The following ZNHIT3 variants were observed in gnomAD, a reference collection of about 807,000 sequenced individuals.
ZNHIT3 encodes zinc finger HIT domain-containing protein 3.
In ZNHIT3, 27 loss-of-function variants were observed where a neutral mutation model predicts 19.9. The ratio of observed to expected loss-of-function variants is 1.36; its 90% CI spans 1.00 to 1.87. The LOEUF is 1.87. ZNHIT3 is among the 40% of genes most tolerant of loss of function. ZNHIT3 has a pLI of 0.00. For synonymous variants in ZNHIT3, 81 were observed against 65.7 expected (o/e 1.23, Z -1.13); for missense variants, 215 against 185.6 (o/e 1.16, Z -0.92).
In ZNHIT3 at chr17:36,493,990, G is replaced by A; in HGVS notation, c.270G>A (p.Gln90=). The A allele has an allele frequency of 6.2e-7, 1 of 1,611,294 alleles. No individual in the cohort carries two copies. The highest frequency in any genetic ancestry group is 8.5e-7 in the Non-Finnish European group (1 of 1,177,526). The change falls in exon 4 of 5, where the codon CAG becomes CAA. Residue 90 remains glutamine (Q), a synonymous_variant. Coordinates refer to ENST00000617429, the MANE Select transcript of ZNHIT3 (RefSeq NM_004773.4). ...SDEEEDRVSL[Q]NLKNLGESAT... ...AGGAAGAAGACAGAGTTTCTTTGCA[G>A]AATTTAAAGAATTTAGGTAAGTCTG...
chr17:36,496,451 G>A (rs1567722019), downstream of ZNHIT3: 1 of 1,600,050 alleles, frequency 6.2e-7, no homozygotes, highest in Non-Finnish European at 8.6e-7. Context: ...GTTCCTGGGA[G>A]TGCCAGGGCC....
Position 36,492,873 on chromosome 17 carries a change from A to G in ZNHIT3, c.179A>G (p.Lys60Arg). 1 of 1,614,212 alleles carries G rather than the reference A, an allele frequency of 6.2e-7. No homozygotes were observed. The highest frequency in any genetic ancestry group is 8.5e-7 in the Non-Finnish European group (1 of 1,180,044). The part of the protein sequence containing the change: ...EKKIRSALPT[K>R]TVKPVENKDD... Reference sequence around the variant, plus strand: ...AAAATAAGATCAGCTCTTCCTACCAAAACCGTAAAGCCTGTGGAAAACAAA... The same window carrying G: ...AAAATAAGATCAGCTCTTCCTACCAGAACCGTAAAGCCTGTGGAAAACAAA... The change falls in exon 3 of 5, where the codon AAA becomes AGA. Residue 60 changes from lysine (K) to arginine (R), a missense_variant. By Grantham distance (26) the Lys-to-Arg change is conservative. Transcript: ENST00000617429.
chr17:36,492,760 G>T (rs367726685), intron 2 of ZNHIT3, 53 bp from the exon 3 acceptor site: 4 of 1,541,526 alleles, frequency 2.6e-6, no homozygotes, highest in Non-Finnish European at 3.6e-6. Context: ...GGGAGGTGCA[G>T]CCTTGTCGCT....
chr17:36,499,072 T>C (rs1173250493), downstream of ZNHIT3: 2 of 1,604,374 alleles, frequency 1.2e-6, no homozygotes, highest in Non-Finnish European at 8.5e-7. Context: ...GGGTCTTACT[T>C]ACTCTCCACT....
chr17:36,498,926 G>A (rs1296849959), downstream of ZNHIT3: 1 of 646,768 alleles, frequency 1.5e-6, no homozygotes, highest in Admixed American at 2.4e-5. Flanking sequence ...TGTGCCCACT[G>A]CATACATGAG....
intron 2 of ZNHIT3, chr17:36,489,194 C>T (rs570093245): frequency 2.0e-5 from 3 of 152,318 alleles, no homozygotes; most frequent in East Asian, 3.9e-4. Flanking sequence ...CTTTATCCAT[C>T]TGTTGGTGGA....
intron 2 of ZNHIT3, among the ~76,000 whole-genome samples, chr17:36,487,913 G>T (rs1354905615): frequency 3.3e-5 from 5 of 151,958 alleles, no homozygotes; most frequent in Non-Finnish European, 7.4e-5. Flanking sequence ...AGACCAGCCT[G>T]GGCAACATAG....
In ZNHIT3 at chr17:36,486,743, TGGA is replaced by T; in HGVS notation, c.46_48del (p.Glu16del). ...AGCACCGTCGTCTGCGTGATCTGCT[TGGA>T]GAAGCCCAAATACCGCTGTCCAGCC... On this transcript the variant is annotated inframe_deletion, in exon 1 of 5. Coordinates refer to ENST00000617429, the MANE Select transcript of ZNHIT3 (RefSeq NM_004773.4). 1 of 1,613,272 alleles carries T rather than the reference TGGA, an allele frequency of 6.2e-7. No individual in the cohort carries two copies. Among genetic ancestry groups the T allele is most frequent in the Non-Finnish European group, 8.5e-7 (1 of 1,179,676 alleles).
chr17:36,493,848 CT>C, intron 3 of ZNHIT3, 77 bp from the exon 4 acceptor site: 1 of 967,284 alleles, frequency 1.0e-6, no homozygotes, highest in Non-Finnish European at 1.7e-6. Context: ...CATTTTTATC[CT>C]GTTCAAGTAG....
At position 36,486,781 on chromosome 17, in the gene ZNHIT3, C is replaced by T; in HGVS notation, c.82C>T (p.Pro28Ser). 1 of 1,612,948 alleles carries T rather than the reference C, an allele frequency of 6.2e-7. No individual in the cohort carries two copies. The highest frequency in any genetic ancestry group is 8.5e-7 in the Non-Finnish European group (1 of 1,179,572). Residue 28 changes from proline to serine, a missense_variant, in exon 1 of 5, where the codon CCC becomes TCC. Physicochemically the swap from Pro to Ser is moderately conservative, Grantham distance 74. Transcript: ENST00000617429. The part of the protein sequence containing the change: ...PKYRCPACRV[P>S]YCSVVCFRKH... ...ATACCGCTGTCCAGCCTGCCGCGTG[C>T]CCTAGTGAGCGGGGAGGTCGCGGGG...
At chr17:36,496,109 CTG>C, downstream of ZNHIT3, 2 of 1,195,218 alleles carry the variant, frequency 1.7e-6, no homozygotes, top group Non-Finnish European at 2.4e-6. Context: ...GCACGGGGCT[CTG>C]GGTCGAAGGC....
In ZNHIT3 at chr17:36,486,880, T is replaced by TG. The variant is rs1003704440; in HGVS notation, c.87-53dup. ...GGCCGGGCGGGAGCGGGCGGGCTGC[T>TG]GGAGGGGCCGGGGACCCTCGGGGCT... On this transcript the variant is annotated intron_variant, in intron 1 of 4. Transcript: ENST00000617429. 1.6e-4 allele frequency: 248 copies of TG among 1,591,994 alleles called. 1 individual carries two copies. Among genetic ancestry groups the TG allele is most frequent in the Non-Finnish European group, 1.9e-4 (228 of 1,172,214 alleles).
chr17:36,498,497 T>G, downstream of ZNHIT3: 1 of 1,614,042 alleles, frequency 6.2e-7, no homozygotes, highest in South Asian at 1.1e-5. Context: ...AACAGGGAGC[T>G]TGAGAGAAGT....
At chr17:36,488,223 A>T (rs528949953) in intron 2 of ZNHIT3, among the ~76,000 whole-genome samples, 82 of 150,912 alleles carry the variant, frequency 5.4e-4, no homozygotes, top group Non-Finnish European at 9.3e-4. Flanking sequence ...TCCTCATTTG[A>T]GTTTATATAT....
intron 2 of ZNHIT3, among the ~76,000 whole-genome samples, chr17:36,488,870 T>C (rs2070656101): frequency 6.6e-6 from 1 of 152,244 alleles, no homozygotes; most frequent in African/African-American, 2.4e-5. Flanking sequence ...TATAAATTGC[T>C]GCCAACATGG....
chr17:36,491,725 C>T (rs1405602337), intron 2 of ZNHIT3: 1 of 152,140 alleles, frequency 6.6e-6, no homozygotes, highest in Non-Finnish European at 1.5e-5. Context: ...AACTGTTTAG[C>T]TCCAGCCTCT....
At chr17:36,492,933 G>T (rs753770235) in intron 3 of ZNHIT3, 34 bp downstream of exon 3, 5 of 1,591,988 alleles carry the variant, frequency 3.1e-6, no homozygotes, top group Non-Finnish European at 4.3e-6. Flanking sequence ...ATCTACAAGG[G>T]ACTTCACATA....
At chr17:36,498,956 G>T, downstream of ZNHIT3, 1 of 752,610 alleles carries the variant, frequency 1.3e-6, no homozygotes, top group Non-Finnish European at 2.2e-6. Context: ...GCTCAGAGAG[G>T]CTAAACAACC....
rs2070759887 is a variant in ZNHIT3 at position 36,492,895 on chromosome 17, CAA to C, written c.203_204del (p.Lys68ArgfsTer2). On this transcript the variant is annotated frameshift_variant and splice_region_variant, in exon 3 of 5. Coordinates refer to ENST00000617429, the MANE Select transcript of ZNHIT3 (RefSeq NM_004773.4). LOFTEE classifies it high-confidence loss of function. ...PTKTVKPVEN[K>X]DDDDSIADFL... ...CCAAAACCGTAAAGCCTGTGGAAAACAAAGGTGGGTTGGTTGACTTCAAACAA... is the reference window on the plus strand; with the variant it reads ...CCAAAACCGTAAAGCCTGTGGAAAACAGGTGGGTTGGTTGACTTCAAACAA... 6.2e-7 allele frequency: 1 copy of C among 1,613,966 alleles called. No individual in the cohort carries two copies. Among genetic ancestry groups the C allele is most frequent in the Non-Finnish European group, 8.5e-7 (1 of 1,180,000 alleles).
Sources: gnomAD v4.1 joint callset for allele counts (sites outside exome capture counted in the v4.1 genomes callset) on GRCh38, gnomAD v4.1.1 for gene constraint, MANE v1.5 for transcripts, NCBI Gene and HGNC (gene_info 2026-07-23, HGNC 2026-07-21) for gene names.